The following CTNNA3 variants were observed in gnomAD, a reference collection of about 807,000 sequenced individuals.
CTNNA3 encodes the protein catenin alpha-3.
Under a neutral mutation model 95.7 loss-of-function variants are expected in CTNNA3, and 76 were observed. The observed-to-expected ratio is 0.79, with a 90% CI of 0.66 to 0.96. The LOEUF (loss-of-function observed/expected upper bound fraction) is 0.96, where lower values mean the gene tolerates loss of function less well. Among genes scored for constraint, CTNNA3 ranks in the 40% least tolerant of loss-of-function variants. The pLI, the probability that CTNNA3 is intolerant of heterozygous loss-of-function variation, is 0.00. For missense variants in CTNNA3, 1,191 were observed against 1,089.8 expected, an observed-to-expected ratio of 1.09 and a Z score of -1.31; for synonymous variants, 431 against 374.4, an observed-to-expected ratio of 1.15 and a Z score of -1.74.
intron 7 of CTNNA3, among the ~76,000 whole-genome samples, chr10:66,788,615 T>C (rs1840842630): frequency 6.6e-6 from 1 of 152,138 alleles, no homozygotes; most frequent in Non-Finnish European, 1.5e-5. Flanking sequence ...CTGAGGATAT[T>C]AACTCCTCCT....
chr10:67,666,044 T>A (rs770452529), intron 1 of CTNNA3, among the ~76,000 whole-genome samples: 1 of 152,200 alleles, frequency 6.6e-6, no homozygotes, highest in Non-Finnish European at 1.5e-5. Flanking sequence ...TAAATCAGGC[T>A]ATCCACAGAA....
chr10:66,372,218 A>G (rs1437620259), intron 12 of CTNNA3, among the ~76,000 whole-genome samples: 2 of 152,158 alleles, frequency 1.3e-5, no homozygotes, highest in African/African-American at 4.8e-5. Flanking sequence ...TTAATACTTC[A>G]TGTCTAATCT....
intron 15 of CTNNA3, among the ~76,000 whole-genome samples, chr10:66,053,923 T>C (rs1480243156): frequency 1.3e-5 from 2 of 152,112 alleles, no homozygotes; most frequent in Non-Finnish European, 2.9e-5. Context: ...TTAACTTTCA[T>C]GGTTTATTAT....
At chr10:66,233,789 T>A (rs961238342) in intron 13 of CTNNA3, among the ~76,000 whole-genome samples, 4 of 152,154 alleles carry the variant, frequency 2.6e-5, no homozygotes, top group Non-Finnish European at 5.9e-5. Flanking sequence ...TTGATGATGA[T>A]CTAAGAACTC....
chr10:66,371,345 C>T (rs2092752931), intron 12 of CTNNA3, among the ~76,000 whole-genome samples: 1 of 152,096 alleles, frequency 6.6e-6, no homozygotes, highest in Admixed American at 6.6e-5. Flanking sequence ...GTGTCTTGGC[C>T]ATAGAATCAT....
chr10:66,717,476 G>T (rs893481451), intron 9 of CTNNA3, among the ~76,000 whole-genome samples: 4 of 152,220 alleles, frequency 2.6e-5, no homozygotes, highest in Non-Finnish European at 5.9e-5. Flanking sequence ...TGTGTGCAGA[G>T]GCTGTGTTAT....
At chr10:66,570,396 C>T (rs1477686353) in intron 10 of CTNNA3, among the ~76,000 whole-genome samples, 1 of 152,084 alleles carries the variant, frequency 6.6e-6, no homozygotes, top group Non-Finnish European at 1.5e-5. Flanking sequence ...TCAAGCGATT[C>T]TCCTACTTCA....
upstream of CTNNA3, among the ~76,000 whole-genome samples, chr10:67,701,153 T>A (rs1304211100): frequency 6.6e-6 from 1 of 152,186 alleles, no homozygotes; most frequent in Admixed American, 6.5e-5. Context: ...GTCTGATTGG[T>A]GTACCTGAAA....
At chr10:67,475,030 C>G (rs1269780783) in intron 5 of CTNNA3, among the ~76,000 whole-genome samples, 2 of 152,092 alleles carry the variant, frequency 1.3e-5, no homozygotes, top group African/African-American at 4.8e-5. Flanking sequence ...ACTCAAATAT[C>G]CTTCAGCTAA....
intron 9 of CTNNA3, among the ~76,000 whole-genome samples, chr10:66,624,739 CTCTAA>C (rs1415067272): frequency 1.3e-5 from 2 of 152,156 alleles, no homozygotes; most frequent in Non-Finnish European, 2.9e-5. Flanking sequence ...TAACCCCACT[CTCTAA>C]TCTTATATTG....
intron 6 of CTNNA3, among the ~76,000 whole-genome samples, chr10:67,190,707 T>A (rs1036181449): frequency 6.6e-6 from 1 of 152,064 alleles, no homozygotes; most frequent in African/African-American, 2.4e-5. Flanking sequence ...TGCAAGAATT[T>A]CAATTTTATT....
At chr10:66,493,327 CAA>C (rs754045858) in intron 11 of CTNNA3, among the ~76,000 whole-genome samples, 49 of 152,242 alleles carry the variant, frequency 3.2e-4, no homozygotes, top group Admixed American at 2.6e-4. Context: ...CAGGACAGAC[CAA>C]AGAGATGGAT....
At chr10:65,948,933 CTAAT>C (rs756798441) in intron 17 of CTNNA3, among the ~76,000 whole-genome samples, 9 of 152,120 alleles carry the variant, frequency 5.9e-5, no homozygotes, top group Non-Finnish European at 1.0e-4. Flanking sequence ...TCTAGAGTAA[CTAAT>C]TAATCCCAAA....
At chr10:67,732,448 A>T (rs1010542858) in intron 1 of CTNNA3, among the ~76,000 whole-genome samples, 3 of 152,242 alleles carry the variant, frequency 2.0e-5, no homozygotes, top group African/African-American at 7.2e-5. Flanking sequence ...CTTCTTGATA[A>T]GTAAAAACCT....
In CTNNA3 at chr10:66,465,638, C is replaced by T. The variant is rs141702613; in HGVS notation, c.1531+54979G>A. ...ACTGGTCTACTGGTTGAGAATCAGA[C>T]TCAGGAAGCACATCCTGTGCATTCT... On this transcript the variant is annotated intron_variant, in intron 11 of 17. Transcript: ENST00000433211. Among the ~76,000 whole-genome samples, 648 of 152,192 alleles carry T rather than the reference C, an allele frequency of 4.3e-3. 1 individual carries two copies. Among genetic ancestry groups the T allele is most frequent in the Middle Eastern group, 0.017 (5 of 294 alleles).
At chr10:67,529,956 G>A (rs1451881600) in intron 4 of CTNNA3, among the ~76,000 whole-genome samples, 1 of 151,922 alleles carries the variant, frequency 6.6e-6, no homozygotes, top group Non-Finnish European at 1.5e-5. Context: ...TGAGTGTCAC[G>A]AGATCTGACG....
intron 7 of CTNNA3, among the ~76,000 whole-genome samples, chr10:67,105,282 G>T (rs1054127189): frequency 8.9e-6 from 1 of 112,274 alleles, no homozygotes; most frequent in African/African-American, 3.4e-5. Flanking sequence ...CCAAAAGAGA[G>T]ACTATTAAGA....
chr10:67,024,220 A>G (rs1295918402), intron 7 of CTNNA3, among the ~76,000 whole-genome samples: 2 of 152,160 alleles, frequency 1.3e-5, no homozygotes, highest in Non-Finnish European at 1.5e-5. Context: ...CAAAGCCAGC[A>G]ATGTGGCATC....
intron 7 of CTNNA3, among the ~76,000 whole-genome samples, chr10:67,144,363 A>G (rs1006406808): frequency 1.3e-5 from 2 of 152,210 alleles, no homozygotes; most frequent in Non-Finnish European, 2.9e-5. Flanking sequence ...TTAGCATCTA[A>G]CAAAAGAGTT....
Sources: allele counts gnomAD v4.1 joint callset (sites outside exome capture counted in the v4.1 genomes callset), GRCh38; gene constraint gnomAD v4.1.1; transcripts MANE v1.5; gene names NCBI Gene and HGNC (gene_info 2026-07-23, HGNC 2026-07-21).